Variants in ADGRB3 observed in about 807,000 individuals in gnomAD.
ADGRB3 encodes the protein adhesion G protein-coupled receptor B3.
ADGRB3 carries 37 observed loss-of-function variants against 193.4 expected under a neutral mutation model. The ratio of observed to expected loss-of-function variants is 0.19; its 90% confidence interval spans 0.15 to 0.25. The LOEUF (loss-of-function observed/expected upper bound fraction) is 0.25. Ranked by LOEUF, ADGRB3 falls within the 10% of genes least tolerant of loss-of-function variation. The pLI is 1.00. For synonymous variants in ADGRB3, 690 were observed against 644.2 expected, an observed-to-expected ratio of 1.07 and a Z score of -1.08; for missense variants, 1,637 against 1,852.9, an observed-to-expected ratio of 0.88 and a Z score of 2.14.
chr6:68,767,518 C>G (rs942792359), intron 3 of ADGRB3, among the ~76,000 whole-genome samples: 1 of 152,022 alleles, frequency 6.6e-6, no homozygotes, highest in Admixed American at 6.6e-5. Context: ...TCTTAATAAA[C>G]TAGGTATTGA....
intron 3 of ADGRB3, among the ~76,000 whole-genome samples, chr6:68,717,146 G>T (rs1452342064): frequency 6.6e-6 from 1 of 151,580 alleles, no homozygotes; most frequent in East Asian, 1.9e-4. Context: ...GCTTCAATTT[G>T]CCTTGAACAA....
intron 3 of ADGRB3, among the ~76,000 whole-genome samples, chr6:68,795,640 T>G (rs991307555): frequency 2.6e-5 from 4 of 152,100 alleles, no homozygotes; most frequent in African/African-American, 9.7e-5. Flanking sequence ...AGTTGAATAT[T>G]TATGGGGACT....
intron 21 of ADGRB3, among the ~76,000 whole-genome samples, chr6:69,325,704 G>C (rs1768552822): frequency 1.3e-5 from 2 of 152,134 alleles, no homozygotes; most frequent in Admixed American, 1.3e-4. Flanking sequence ...AATATCTACT[G>C]TATTAGAAGA....
intron 3 of ADGRB3, among the ~76,000 whole-genome samples, chr6:68,838,581 G>A (rs1768089754): frequency 6.6e-6 from 1 of 152,168 alleles, no homozygotes; most frequent in South Asian, 2.1e-4. Flanking sequence ...TTGGTAAACT[G>A]TGTTGTTAGC....
At chr6:69,194,594 C>T (rs1485113724) in intron 17 of ADGRB3, among the ~76,000 whole-genome samples, 1 of 152,034 alleles carries the variant, frequency 6.6e-6, no homozygotes, top group Non-Finnish European at 1.5e-5. Context: ...CTGTTTTCAC[C>T]ATTTATATTA....
At chr6:69,137,175 T>G (rs1432850906) in intron 17 of ADGRB3, among the ~76,000 whole-genome samples, 1 of 151,724 alleles carries the variant, frequency 6.6e-6, no homozygotes, top group African/African-American at 2.4e-5. Context: ...ACGTGGAATC[T>G]TAATGCAAAC....
chr6:68,835,464 A>C (rs1180142199), intron 3 of ADGRB3, among the ~76,000 whole-genome samples: 1 of 152,150 alleles, frequency 6.6e-6, no homozygotes, highest in East Asian at 1.9e-4. Context: ...ATCCTAGAAA[A>C]AAATTTATCC....
chr6:68,762,075 G>C (rs940799972), intron 3 of ADGRB3, among the ~76,000 whole-genome samples: 8 of 152,132 alleles, frequency 5.3e-5, no homozygotes, highest in African/African-American at 1.9e-4. Context: ...CAATGTCCCT[G>C]AATGGTAAAA....
chr6:68,779,595 C>T (rs186323197), intron 3 of ADGRB3, among the ~76,000 whole-genome samples: 6 of 152,176 alleles, frequency 3.9e-5, no homozygotes, highest in African/African-American at 1.2e-4. Context: ...TGTCTGCCTC[C>T]GACTTTCTAG....
intron 15 of ADGRB3, among the ~76,000 whole-genome samples, chr6:69,053,383 A>G (rs1454107651): frequency 6.6e-6 from 1 of 152,248 alleles, no homozygotes; most frequent in Admixed American, 6.5e-5. Context: ...CTTCTACTAT[A>G]TCTCATTCCC....
At chr6:69,110,913 T>C (rs1773348985) in intron 17 of ADGRB3, among the ~76,000 whole-genome samples, 1 of 152,172 alleles carries the variant, frequency 6.6e-6, no homozygotes, top group Non-Finnish European at 1.5e-5. Flanking sequence ...ATATTCAATC[T>C]CAGAAAAATA....
At chr6:69,316,984 G>T (rs908849953) in intron 20 of ADGRB3, among the ~76,000 whole-genome samples, 1 of 151,476 alleles carries the variant, frequency 6.6e-6, no homozygotes. Context: ...GGAATCAAGC[G>T]TAGTTACTAT....
Position 69,048,327 on chromosome 6 carries a change from A to T in ADGRB3, c.2250A>T (p.Ser750=). 1.2e-6 allele frequency: 2 copies of T among 1,612,372 alleles called. No individual in the cohort carries two copies. Among genetic ancestry groups the T allele is most frequent in the South Asian group, 1.1e-5 (1 of 90,868 alleles). The change falls in exon 14 of 32, where the codon TCA becomes TCT. Residue 750 remains serine, a synonymous_variant. Coordinates refer to ENST00000370598, the MANE Select transcript of ADGRB3 (RefSeq NM_001704.3). ...VIPKSIFTPV[S]SKELDESSVF... ...CAAAAAGCATTTTCACTCCGGTGTC[A>T]TCAAAAGGTAAATATCTGAAATAAT...
chr6:69,057,883 C>G lies in ADGRB3; in HGVS notation c.2334-5051C>G, dbSNP rs577719604. Among the ~76,000 whole-genome samples the G allele has an allele frequency of 3.9e-5, 6 of 151,948 alleles. No individual in the cohort carries two copies. The South Asian group carries it at 1.0e-3, about 26-fold the overall frequency. ...ATCAATATTTATTAAGGATATTTGT[C>G]TGTAGTTTTCCTTTTTTTTATATAT... is the stretch of plus-strand genomic sequence containing the variant. On this transcript the variant is annotated intron_variant, in intron 15 of 31. Coordinates refer to ENST00000370598, the MANE Select transcript of ADGRB3 (RefSeq NM_001704.3).
chr6:68,885,469 C>T (rs1161234271), intron 3 of ADGRB3, among the ~76,000 whole-genome samples: 1 of 152,188 alleles, frequency 6.6e-6, no homozygotes, highest in Non-Finnish European at 1.5e-5. Flanking sequence ...TATCACCACA[C>T]ATACTTGTTT....
At chr6:68,744,025 A>G (rs938016540) in intron 3 of ADGRB3, among the ~76,000 whole-genome samples, 1 of 152,034 alleles carries the variant, frequency 6.6e-6, no homozygotes, top group Admixed American at 6.6e-5. Context: ...AGTATCATAC[A>G]CTCATGGAAA....
At position 69,113,036 on chromosome 6, in the gene ADGRB3, G is replaced by A. The variant is rs531164946; in HGVS notation, c.2480+36998G>A. Among the ~76,000 whole-genome samples the A allele has an allele frequency of 1.9e-3, 294 of 152,244 alleles. 2 individuals are homozygous for A. The highest frequency in any genetic ancestry group is 6.6e-3 in the African/African-American group (276 of 41,548). ...GCCTCCCAAAGTGCTGGGATTACAGGCGCGAGCCACTATGCCCGGCTGAGA... is the reference window on the plus strand; with the variant it reads ...GCCTCCCAAAGTGCTGGGATTACAGACGCGAGCCACTATGCCCGGCTGAGA... On this transcript the variant is annotated intron_variant, in intron 17 of 31. Coordinates refer to ENST00000370598, the MANE Select transcript of ADGRB3 (RefSeq NM_001704.3).
At chr6:68,890,593 G>T (rs1766046712) in intron 3 of ADGRB3, among the ~76,000 whole-genome samples, 1 of 152,128 alleles carries the variant, frequency 6.6e-6, no homozygotes, top group Non-Finnish European at 1.5e-5. Flanking sequence ...TGTTGCAAGG[G>T]ATATAAATTT....
intron 3 of ADGRB3, among the ~76,000 whole-genome samples, chr6:68,802,400 T>G (rs1340150337): frequency 6.6e-6 from 1 of 152,174 alleles, no homozygotes; most frequent in East Asian, 1.9e-4. Flanking sequence ...AATACTAGGC[T>G]AATTTATCTT....
Sources: allele counts gnomAD v4.1 joint callset (sites outside exome capture counted in the v4.1 genomes callset), GRCh38; gene constraint gnomAD v4.1.1; transcripts MANE v1.5; gene names NCBI Gene and HGNC (gene_info 2026-07-23, HGNC 2026-07-21).